Variants in CNST observed in about 807,000 individuals in gnomAD.
CNST encodes consortin, connexin sorting protein.
CNST carries 39 observed loss-of-function variants against 72.4 expected under a neutral mutation model. That is an observed-to-expected ratio of 0.54 (90% CI 0.42 to 0.70). CNST has a LOEUF of 0.70. Ranked by LOEUF, CNST falls within the 30% of genes least tolerant of loss-of-function variation. CNST has a pLI of 0.00. For synonymous variants in CNST, 332 were observed against 320.1 expected, an observed-to-expected ratio of 1.04 and a Z score of -0.40; for missense variants, 871 against 868.5, an observed-to-expected ratio of 1.00 and a Z score of -0.04.
intron 9 of CNST, among the ~76,000 whole-genome samples, chr1:246,651,067 T>C (rs1225514206): frequency 2.0e-5 from 3 of 152,158 alleles, no homozygotes; most frequent in African/African-American, 4.8e-5. Flanking sequence ...AGAAATCAGA[T>C]GATGTTGTTG....
At chr1:246,632,386 G>A in intron 4 of CNST, 2 of 227,294 alleles carry the variant, frequency 8.8e-6, no homozygotes, top group Non-Finnish European at 9.0e-6. Flanking sequence ...AATTGGTCCT[G>A]GACTAGACAG....
chr1:246,649,417 G>A (rs1314382613), intron 9 of CNST, among the ~76,000 whole-genome samples: 2 of 152,036 alleles, frequency 1.3e-5, no homozygotes, highest in Non-Finnish European at 2.9e-5. Flanking sequence ...ACTTAATCCG[G>A]TATTCATTCT....
In CNST at chr1:246,578,390, C is replaced by T. The variant is rs115795886; in HGVS notation, c.-52+11727C>T. ...TGGATTCTGTATTAACCATTGCCTT[C>T]GGCTGGGCGTGGTGGCTCACGCCTG... On this transcript the variant is annotated intron_variant, in intron 1 of 10. Transcript: ENST00000366513. 4.2e-3 allele frequency among the ~76,000 whole-genome samples: 637 copies of T among 152,096 alleles called. 11 individuals carry two copies. The highest frequency in any genetic ancestry group is 0.014 in the African/African-American group (572 of 41,410).
intron 4 of CNST, chr1:246,632,287 CT>C: frequency 1.0e-5 from 3 of 299,386 alleles, no homozygotes; most frequent in Admixed American, 3.4e-5. Context: ...TAGCCTTTGC[CT>C]TTTTGAGCTT....
chr1:246,577,101 G>T (rs1319779052), intron 1 of CNST, among the ~76,000 whole-genome samples: 1 of 152,036 alleles, frequency 6.6e-6, no homozygotes, highest in African/African-American at 2.4e-5. Context: ...CTGTTTTGAA[G>T]ATTACTAAGA....
intron 3 of CNST, among the ~76,000 whole-genome samples, chr1:246,625,891 G>T (rs1407860333): frequency 6.6e-6 from 1 of 152,014 alleles, no homozygotes; most frequent in South Asian, 2.1e-4. Context: ...TGTTAAATCC[G>T]GTGGTCAGAC....
In CNST at chr1:246,634,455, C is replaced by T. The variant is rs552323655; in HGVS notation, c.704-18C>T. 6.7e-6 allele frequency: 10 copies of T among 1,485,904 alleles called. No individual in the cohort carries two copies. In the East Asian group the frequency reaches 2.1e-4, roughly 31 times the overall value. 92.0% of individuals were successfully genotyped at this position (1,485,904 alleles called of 1,614,324 possible). On this transcript the variant is annotated intron_variant, in intron 5 of 10. Coordinates refer to ENST00000366513, the MANE Select transcript of CNST (RefSeq NM_152609.3). ...ATGTTTTATAAGAGCCAGTGACTAACAAATACTTTAAATTTAGAAACAAAA... is the reference window on the plus strand; with the variant it reads ...ATGTTTTATAAGAGCCAGTGACTAATAAATACTTTAAATTTAGAAACAAAA...
At chr1:246,581,699 T>C (rs4341337) in intron 1 of CNST, among the ~76,000 whole-genome samples, 149,028 of 152,368 alleles carry the variant, frequency 0.98, 72,964 homozygotes, top group East Asian at 1. Context: ...TATAAACTTT[T>C]ACAAAAGCAA....
At chr1:246,583,893 A>G (rs891577646) in intron 1 of CNST, among the ~76,000 whole-genome samples, 4 of 152,250 alleles carry the variant, frequency 2.6e-5, no homozygotes, top group Non-Finnish European at 5.9e-5. Flanking sequence ...GAAAAAGTAG[A>G]CAATGAGGAT....
intron 2 of CNST, among the ~76,000 whole-genome samples, chr1:246,614,681 A>G (rs1470739163): frequency 6.6e-6 from 1 of 152,110 alleles, no homozygotes; most frequent in African/African-American, 2.4e-5. Flanking sequence ...CATGTTGGTC[A>G]CACTGGTCTT....
chr1:246,574,357 A>G (rs933432974), intron 1 of CNST, among the ~76,000 whole-genome samples: 2 of 152,208 alleles, frequency 1.3e-5, no homozygotes, highest in African/African-American at 4.8e-5. Flanking sequence ...AAGATTTTTT[A>G]AAAAGATAAA....
chr1:246,616,760 G>A (rs1230215804), intron 2 of CNST, among the ~76,000 whole-genome samples: 4 of 151,544 alleles, frequency 2.6e-5, no homozygotes, highest in African/African-American at 4.8e-5. Flanking sequence ...TTACAATGTT[G>A]GCCAGGATGG....
At chr1:246,662,799 T>G (rs896947958) in intron 10 of CNST, among the ~76,000 whole-genome samples, 6 of 152,168 alleles carry the variant, frequency 3.9e-5, no homozygotes, top group African/African-American at 1.4e-4. Flanking sequence ...TTTTTCACAC[T>G]AAGTATTCAG....
chr1:246,578,650 A>C (rs537158017), intron 1 of CNST, among the ~76,000 whole-genome samples: 2 of 152,138 alleles, frequency 1.3e-5, no homozygotes, highest in East Asian at 1.9e-4. Context: ...CAGCCTAGGC[A>C]ACAGAGAGAC....
intron 2 of CNST, among the ~76,000 whole-genome samples, chr1:246,608,633 C>T (rs999852457): frequency 6.6e-6 from 1 of 152,168 alleles, no homozygotes; most frequent in African/African-American, 2.4e-5. Flanking sequence ...GCTGTGTGAT[C>T]AACAGGATTT....
At chr1:246,602,253 C>G (rs565043410) in intron 2 of CNST, among the ~76,000 whole-genome samples, 1 of 152,136 alleles carries the variant, frequency 6.6e-6, no homozygotes, top group African/African-American at 2.4e-5. Context: ...TCTCTTGCAG[C>G]GTAACAAAAC....
intron 9 of CNST, among the ~76,000 whole-genome samples, chr1:246,657,354 C>A (rs953335659): frequency 3.9e-5 from 6 of 151,992 alleles, no homozygotes; most frequent in African/African-American, 1.5e-4. Flanking sequence ...AACAGAAAGA[C>A]CTAGAGAAGA....
intron 1 of CNST, among the ~76,000 whole-genome samples, chr1:246,576,381 C>T (rs914669126): frequency 1.4e-5 from 2 of 146,206 alleles, no homozygotes; most frequent in Admixed American, 6.9e-5. Flanking sequence ...AGAGCAGCAT[C>T]GTGTTCAGTG....
intron 2 of CNST, among the ~76,000 whole-genome samples, chr1:246,611,186 G>A (rs1330678546): frequency 1.3e-5 from 2 of 152,170 alleles, no homozygotes; most frequent in African/African-American, 4.8e-5. Flanking sequence ...GTTGAGCTGG[G>A]GAAAGGGGTG....
Sources: gnomAD v4.1 joint callset for allele counts (sites outside exome capture counted in the v4.1 genomes callset) on GRCh38, gnomAD v4.1.1 for gene constraint, MANE v1.5 for transcripts, NCBI Gene and HGNC (gene_info 2026-07-23, HGNC 2026-07-21) for gene names.